PDE9A: variants seen among roughly 807,000 people sequenced by gnomAD.
The protein encoded by PDE9A is high affinity cGMP-specific 3',5'-cyclic phosphodiesterase 9A.
A neutral mutation model predicts 87.4 loss-of-function variants in PDE9A; 60 were observed. The observed-to-expected ratio is 0.69, with a 90% CI of 0.56 to 0.85. The LOEUF is 0.85. PDE9A is among the 40% of genes least tolerant of loss of function. The pLI, the probability that PDE9A is intolerant of heterozygous loss-of-function variation, is 0.00. For synonymous variants in PDE9A, 272 were observed against 279.4 expected (o/e 0.97, Z 0.27); for missense variants, 665 against 779.0 (o/e 0.85, Z 1.74).
At position 42,702,686 on chromosome 21, in the gene PDE9A, G is replaced by T. The variant is rs2048472238; in HGVS notation, c.262+3675G>T. On this transcript the variant is annotated intron_variant, in intron 4 of 19. Transcript: ENST00000291539. The surrounding 1 kb of genome is among the most constrained non-coding windows in gnomAD (Gnocchi z 4.9). ...TTTAAGCTTTGTGAGAATGGCTCTA[G>T]AGGGCCCTTACCCCAGGGATAGCTC... 6.6e-6 allele frequency among the ~76,000 whole-genome samples: 1 copy of T among 152,224 alleles called. No individual in the cohort carries two copies. Among genetic ancestry groups the T allele is most frequent in the African/African-American group, 2.4e-5 (1 of 41,460 alleles).
intron 4 of PDE9A, among the ~76,000 whole-genome samples, chr21:42,715,444 T>TGTTATA (rs1407099063): frequency 1.3e-5 from 2 of 151,880 alleles, no homozygotes; most frequent in South Asian, 2.1e-4. Flanking sequence ...CTGGCCAACA[T>TGTTATA]GGTGAAACCC....
chr21:42,751,856 C>T (rs2054470683), intron 9 of PDE9A, among the ~76,000 whole-genome samples: 1 of 151,068 alleles, frequency 6.6e-6, no homozygotes, highest in Admixed American at 6.6e-5. Flanking sequence ...AAGCAATTCT[C>T]CTACCTCAGC....
Position 42,760,181 on chromosome 21 carries a change from T to C in PDE9A, c.898-147T>C. 1.6e-6 allele frequency: 1 copy of C among 628,274 alleles called. No homozygotes were observed. Among genetic ancestry groups the C allele is most frequent in the East Asian group, 2.8e-5 (1 of 35,886 alleles). 38.9% of individuals were successfully genotyped at this position (628,274 alleles called of 1,614,324 possible). A position where few individuals can be genotyped will look rare whatever the true frequency, so the allele number is the denominator to read the frequency against. ...CCCTGTGTCACCTCATTGGTACCTG[T>C]GGTAAACCTGGAACACTGTTGACCT... On this transcript the variant is annotated intron_variant, in intron 11 of 19. Transcript: ENST00000291539. The surrounding 1 kb of genome is among the most constrained non-coding windows in gnomAD (Gnocchi z 5.2).
chr21:42,763,974 A>C (rs987901483), intron 14 of PDE9A, among the ~76,000 whole-genome samples: 2 of 152,196 alleles, frequency 1.3e-5, no homozygotes, highest in African/African-American at 2.4e-5. Flanking sequence ...GCCTCTTGCG[A>C]AATTGTCAAA....
rs2048641560 is a variant in PDE9A at position 42,704,433 on chromosome 21, A to AC, written c.262+5422_262+5423insC. Among the ~76,000 whole-genome samples, 1 of 137,040 alleles carries AC rather than the reference A, an allele frequency of 7.3e-6. No homozygotes were observed. Among genetic ancestry groups the AC allele is most frequent in the Non-Finnish European group, 1.6e-5 (1 of 63,726 alleles). 89.9% of individuals were successfully genotyped at this position (137,040 alleles called of 152,430 possible). On this transcript the variant is annotated intron_variant, in intron 4 of 19. Transcript: ENST00000291539. This position sits in a 1 kb window ranked among gnomAD's most constrained non-coding sequence, Gnocchi z 5.3. The stretch of plus-strand genomic sequence containing the variant: ...CAGGTAGACCCCCCCCACCCCACCA[A>AC]ACACACACACACACACACACACACA...
At chr21:42,726,718 C>T (rs2051156626) in intron 4 of PDE9A, among the ~76,000 whole-genome samples, 1 of 145,940 alleles carries the variant, frequency 6.9e-6, no homozygotes, top group Admixed American at 6.9e-5. Context: ...ACCTCGACCT[C>T]CCAAAGTGCT....
chr21:42,665,668 C>A (rs182284931), intron 1 of PDE9A, among the ~76,000 whole-genome samples: 14 of 152,330 alleles, frequency 9.2e-5, no homozygotes, highest in Non-Finnish European at 1.8e-4. Context: ...CCGGATGTGT[C>A]GCGTGCAGGT....
chr21:42,700,221 T>C (rs1211304387), intron 4 of PDE9A, among the ~76,000 whole-genome samples: 2 of 152,180 alleles, frequency 1.3e-5, no homozygotes, highest in Non-Finnish European at 2.9e-5. Flanking sequence ...TATCCCATGG[T>C]GTAGGTTGTA....
chr21:42,711,258 GTT>G (rs35475222), intron 4 of PDE9A, among the ~76,000 whole-genome samples: 16 of 136,464 alleles, frequency 1.2e-4, no homozygotes, highest in African/African-American at 1.6e-4. Flanking sequence ...AATAAGTTTT[GTT>G]TTTTTTTTTT....
chr21:42,726,966 C>G (rs936405622), intron 4 of PDE9A, among the ~76,000 whole-genome samples: 16 of 149,466 alleles, frequency 1.1e-4, no homozygotes, highest in Non-Finnish European at 2.1e-4. Context: ...TGTCATAAGT[C>G]TCAAAAATAA....
At chr21:42,747,400 G>C (rs1474299908) in intron 8 of PDE9A, among the ~76,000 whole-genome samples, 1 of 152,196 alleles carries the variant, frequency 6.6e-6, no homozygotes, top group Non-Finnish European at 1.5e-5. Context: ...GCCCCAGACA[G>C]GGTGGAGCTA....
intron 3 of PDE9A, among the ~76,000 whole-genome samples, chr21:42,691,501 T>G (rs2059834506): frequency 6.7e-6 from 1 of 149,944 alleles, no homozygotes; most frequent in South Asian, 2.1e-4. Flanking sequence ...CCCAGACACA[T>G]CACCATCACC....
At chr21:42,726,217 T>C (rs1054703449) in intron 4 of PDE9A, among the ~76,000 whole-genome samples, 2 of 152,198 alleles carry the variant, frequency 1.3e-5, no homozygotes, top group African/African-American at 2.4e-5. Flanking sequence ...CTGCAAGTCT[T>C]TGTCAGATAC....
chr21:42,754,822 C>G (rs1361978438), intron 10 of PDE9A, among the ~76,000 whole-genome samples: 1 of 152,176 alleles, frequency 6.6e-6, no homozygotes, highest in Admixed American at 6.5e-5. Flanking sequence ...CTGCCATTCT[C>G]CATGATTGTG....
In PDE9A at chr21:42,742,441, G is replaced by C. The variant is rs575891044; in HGVS notation, c.569-1335G>C. ...GATTGGTCAGGGAGGAAATCATAGG[G>C]AGTTGAAGCTGTCTGCTTTTTTTTT... is the stretch of plus-strand genomic sequence containing the variant. On this transcript the variant is annotated intron_variant, in intron 7 of 19. Coordinates refer to ENST00000291539, the MANE Select transcript of PDE9A (RefSeq NM_002606.3). 4.7e-5 allele frequency among the ~76,000 whole-genome samples: 7 copies of C among 150,004 alleles called. No individual in the cohort carries two copies. In the South Asian group the frequency reaches 1.1e-3, roughly 23 times the overall value.
At chr21:42,674,280 C>T (rs145545677) in intron 1 of PDE9A, among the ~76,000 whole-genome samples, 3,366 of 150,900 alleles carry the variant, frequency 0.022, 65 homozygotes, top group South Asian at 0.044. Context: ...ATCTGAGGGC[C>T]AGTAGGAAGT....
At chr21:42,679,827 C>T (rs1050325038) in intron 1 of PDE9A, among the ~76,000 whole-genome samples, 4 of 152,220 alleles carry the variant, frequency 2.6e-5, no homozygotes, top group African/African-American at 4.8e-5. Flanking sequence ...GCATGGGTTT[C>T]GCAGCCCCCT....
In PDE9A at chr21:42,664,804, C is replaced by A. The variant is rs139069801; in HGVS notation, c.69+10921C>A. Among the ~76,000 whole-genome samples, 490 of 152,308 alleles carry A rather than the reference C, an allele frequency of 3.2e-3. 2 individuals carry two copies. The highest frequency in any genetic ancestry group is 0.02 in the Middle Eastern group (6 of 294). ...GGTACACACGGCCGGGTCGGCCTTG[C>A]GAGAGACTCAGTTTCCTCTCGACTT... On this transcript the variant is annotated intron_variant, in intron 1 of 19. Transcript: ENST00000291539.
At chr21:42,677,587 T>C (rs2058925327) in intron 1 of PDE9A, among the ~76,000 whole-genome samples, 1 of 151,880 alleles carries the variant, frequency 6.6e-6, no homozygotes, top group Non-Finnish European at 1.5e-5. Flanking sequence ...ACGGTGCTGC[T>C]GTCTTTCATT....
Sources: gnomAD v4.1 joint callset for allele counts (sites outside exome capture counted in the v4.1 genomes callset) on GRCh38, gnomAD v4.1.1 for gene constraint, Gnocchi (gnomAD v3.1) non-coding constraint, MANE v1.5 for transcripts, NCBI Gene and HGNC (gene_info 2026-07-23, HGNC 2026-07-21) for gene names.